Variants in WDR86 observed in about 807,000 individuals in gnomAD.
WDR86 encodes WD repeat domain 86.
A neutral mutation model predicts 36.5 loss-of-function variants in WDR86; 30 were observed. That is an observed-to-expected ratio of 0.82 (90% CI 0.61 to 1.11). The LOEUF is 1.11. Ranked by LOEUF, WDR86 falls within the 50% of genes most tolerant of loss-of-function variation. WDR86 has a pLI of 0.00. For missense variants in WDR86, 545 were observed against 561.2 expected (o/e 0.97, Z 0.29); for synonymous variants, 255 against 252.9 (o/e 1.01, Z -0.08).
intron 2 of WDR86, among the ~76,000 whole-genome samples, chr7:151,399,826 C>A (rs769997711): frequency 3.9e-5 from 6 of 152,250 alleles, no homozygotes; most frequent in Admixed American, 6.5e-5. Flanking sequence ...CTGCACCCAG[C>A]GGGGAGCCAC....
In WDR86 at chr7:151,409,194, CGAT is replaced by C; in HGVS notation, c.163+230_163+232del. On this transcript the variant is annotated intron_variant, in intron 1 of 5. Coordinates refer to ENST00000334493, the MANE Select transcript of WDR86 (RefSeq NM_198285.3). The surrounding 1 kb of genome is among the most constrained non-coding windows in gnomAD (Gnocchi z 5.2). Reference sequence around the variant, plus strand: ...GCGGACGCCCCTCGACCCACCCACCCGATCCCGGCCGCACCCTGCTCTGCACCC... The same window carrying C: ...GCGGACGCCCCTCGACCCACCCACCCCCCGGCCGCACCCTGCTCTGCACCC... 1 of 655,374 alleles carries C rather than the reference CGAT, an allele frequency of 1.5e-6. No individual in the cohort carries two copies. The highest frequency in any genetic ancestry group is 2.7e-6 in the Non-Finnish European group (1 of 369,958). The allele number at this position is 655,374 out of a possible 1,614,324, so 40.6% of individuals were successfully genotyped here.
downstream of WDR86, chr7:151,377,027 C>T: frequency 6.6e-7 from 1 of 1,521,812 alleles, no homozygotes; most frequent in Non-Finnish European, 8.8e-7. Flanking sequence ...TTCACTTACT[C>T]CTGCGGTATT....
At position 151,396,158 on chromosome 7, in the gene WDR86, T is replaced by G. The variant is rs762310489; in HGVS notation, c.344A>C (p.Tyr115Ser). ...ACTCCAGACCCGAGCTGTCCGGTCA[T>G]AGGAGCTGCTGAAGAGCTGGTTGTT... is the stretch of plus-strand genomic sequence containing the variant. The part of the protein sequence containing the change: ...VANNQLFSSS[Y>S]DRTARVWSVD... The change falls in exon 3 of 6, where the codon TAT (tyrosine) becomes TCT (serine). Residue 115 changes from tyrosine to serine, a missense_variant. Coordinates refer to ENST00000334493, the MANE Select transcript of WDR86 (RefSeq NM_198285.3). 1.9e-6 allele frequency: 3 copies of G among 1,612,810 alleles called. No homozygotes were observed. The highest frequency in any genetic ancestry group is 3.3e-5 in the Admixed American group (2 of 60,004).
chr7:151,397,692 AGGGTGTAGTGGGAGGAAGG>A (rs1418732734), intron 2 of WDR86, among the ~76,000 whole-genome samples: 53 of 101,754 alleles, frequency 5.2e-4, no homozygotes, highest in African/African-American at 2.0e-3. Context: ...CGGGAGGAAG[AGGGTGTAGTGGGAGGAAGG>A]GCATAGCGGG....
At chr7:151,381,033 A>C, downstream of WDR86, 2 of 684,378 alleles carry the variant, frequency 2.9e-6, no homozygotes, top group Non-Finnish European at 3.8e-6. The surrounding 1 kb of genome is among the most constrained non-coding windows in gnomAD (Gnocchi z 4.8). Context: ...GGCAGAGGGC[A>C]GGAGGCCCGC....
At chr7:151,408,328 T>C (rs779640956) in intron 1 of WDR86, among the ~76,000 whole-genome samples, 69 of 151,660 alleles carry the variant, frequency 4.5e-4, no homozygotes, top group Non-Finnish European at 9.4e-4. Flanking sequence ...TCCCGAGTAG[T>C]TGGAATTACA....
rs1485063367 is a variant in WDR86, at chr7:151,390,559, A to T, written c.726+5217T>A. On this transcript the variant is annotated intron_variant, in intron 3 of 5. Coordinates refer to ENST00000334493, the MANE Select transcript of WDR86 (RefSeq NM_198285.3). The surrounding 1 kb of genome is among the most constrained non-coding windows in gnomAD (Gnocchi z 4.5). ...CCAAGTCATCCGCAGTCCCACTGGC[A>T]GGCATATACCCGAGAACTGAAGGCA... 2.0e-5 allele frequency among the ~76,000 whole-genome samples: 3 copies of T among 152,254 alleles called. No individual in the cohort carries two copies. The highest frequency in any genetic ancestry group is 4.4e-5 in the Non-Finnish European group (3 of 68,036).
chr7:151,399,394 C>T (rs898838537), intron 2 of WDR86, among the ~76,000 whole-genome samples: 10 of 152,178 alleles, frequency 6.6e-5, no homozygotes, highest in African/African-American at 2.4e-4. Context: ...TCAGGACCCC[C>T]TCGTGCCAGC....
At chr7:151,386,376 G>A (rs1028437046) in intron 3 of WDR86, among the ~76,000 whole-genome samples, 2 of 152,354 alleles carry the variant, frequency 1.3e-5, no homozygotes, top group African/African-American at 4.8e-5. Context: ...GCCCAGAGAA[G>A]GCAGTGGAAC....
chr7:151,394,536 G>T (rs1799667574), intron 3 of WDR86, among the ~76,000 whole-genome samples: 4 of 152,242 alleles, frequency 2.6e-5, no homozygotes, highest in Admixed American at 2.6e-4. Flanking sequence ...CTGGAGCAGG[G>T]CAGAGGCTGG....
the WDR86 span, chr7:151,368,981 C>A: frequency 1.6e-6 from 2 of 1,278,678 alleles, no homozygotes; most frequent in Non-Finnish European, 2.1e-6. Flanking sequence ...CTCTTTATTA[C>A]TCCAGATTGG....
At chr7:151,391,862 C>T (rs1034347329) in intron 3 of WDR86, among the ~76,000 whole-genome samples, 8 of 58,752 alleles carry the variant, frequency 1.4e-4, no homozygotes, top group Admixed American at 5.7e-4. Context: ...TCCCACGCAC[C>T]GTGAGGCTGA....
rs996330686 is a variant in WDR86, at chr7:151,409,930, C to T, written c.-341G>A. The T allele has an allele frequency of 8.6e-5, 92 of 1,070,386 alleles. No individual in the cohort carries two copies. The highest frequency in any genetic ancestry group is 1.0e-4 in the Non-Finnish European group (89 of 885,548). 66.3% of individuals were successfully genotyped at this position (1,070,386 alleles called of 1,614,324 possible). ...GAACAAGGCAGCTGCGTCTCTGGTG[C>T]ACAAGGAGCCCCCCGCCTCCTCTCG... On this transcript the variant is annotated 5_prime_UTR_variant, in exon 1 of 6. Transcript: ENST00000334493. The surrounding 1 kb of genome is among the most constrained non-coding windows in gnomAD (Gnocchi z 5.2).
In WDR86 at chr7:151,406,192, G is replaced by A. The variant is rs532091962; in HGVS notation, c.163+3235C>T. On this transcript the variant is annotated intron_variant, in intron 1 of 5. Transcript: ENST00000334493. This position sits in a 1 kb window ranked among gnomAD's most constrained non-coding sequence, Gnocchi z 4.4. ...ACCCACAGGGAGGGGCTCCCCACAC[G>A]CCGGTTCTGCAGCCCACTCTCCCTG... is the stretch of plus-strand genomic sequence containing the variant. Among the ~76,000 whole-genome samples, 5 of 152,262 alleles carry A rather than the reference G, an allele frequency of 3.3e-5. No individual in the cohort carries two copies. Among genetic ancestry groups the A allele is most frequent in the African/African-American group, 9.6e-5 (4 of 41,542 alleles).
In WDR86 at chr7:151,376,060, A is replaced by T. The variant is rs187004249; in HGVS notation, n.1230T>A. 1.2e-4 allele frequency: 87 copies of T among 728,952 alleles called. No individual in the cohort carries two copies. The African/African-American group carries it at 1.3e-3, about 11-fold the overall frequency. 45.2% of individuals were successfully genotyped at this position (728,952 alleles called of 1,614,324 possible). The stretch of plus-strand genomic sequence containing the variant: ...AGTCCGTGCTGAAACCTTGGCTCCC[A>T]GGCTCCAGGTGTAACCTGCCCACCT... On this transcript the variant is annotated non_coding_transcript_exon_variant, in exon 2 of 2. Transcript: ENST00000463000.
rs200106898 is a variant in WDR86 at position 151,400,510 on chromosome 7, TA to T, written c.164-270del. On this transcript the variant is annotated intron_variant, in intron 1 of 5. Transcript: ENST00000334493. ...GATTCTCCTGCCTCAGCCTCCTGAG[TA>T]GCTGAGATTACAGGCGCATACCACT... is the stretch of plus-strand genomic sequence containing the variant. Among the ~76,000 whole-genome samples the T allele has an allele frequency of 6.2e-4, 94 of 152,250 alleles. 3 individuals carry two copies. The East Asian group carries it at 0.017, about 27-fold the overall frequency.
intron 3 of WDR86, among the ~76,000 whole-genome samples, chr7:151,392,622 G>C (rs1200895076): frequency 6.6e-6 from 1 of 152,170 alleles, no homozygotes; most frequent in Non-Finnish European, 1.5e-5. Flanking sequence ...GAGTCTAATA[G>C]AGGAGGCAAA....
Position 151,401,941 on chromosome 7 carries a change from C to T in WDR86, c.164-1700G>A, listed in dbSNP as rs994178759. On this transcript the variant is annotated intron_variant, in intron 1 of 5. Coordinates refer to ENST00000334493, the MANE Select transcript of WDR86 (RefSeq NM_198285.3). The surrounding 1 kb of genome is among the most constrained non-coding windows in gnomAD (Gnocchi z 4.3). ...GTGGGCGCCTGTAATCCCAGCTACT[C>T]GGGAGGCTGAGGCAGAGAACTGCTT... Among the ~76,000 whole-genome samples, 6 of 147,604 alleles carry T rather than the reference C, an allele frequency of 4.1e-5. No homozygotes were observed. In the East Asian group the frequency reaches 1.0e-3, roughly 25 times the overall value.
intron 1 of WDR86, chr7:151,408,922 G>A (rs1223719023): frequency 6.4e-6 from 3 of 471,576 alleles, no homozygotes; most frequent in Admixed American, 2.3e-5. Flanking sequence ...TGTATGTGGG[G>A]TAACATAGTG....
Sources: gnomAD v4.1 joint callset for allele counts (sites outside exome capture counted in the v4.1 genomes callset) on GRCh38, gnomAD v4.1.1 for gene constraint, Gnocchi (gnomAD v3.1) non-coding constraint, MANE v1.5 for transcripts, NCBI Gene and HGNC (gene_info 2026-07-23, HGNC 2026-07-21) for gene names.